TRPM3: variants seen among roughly 807,000 people sequenced by gnomAD.
TRPM3 encodes the protein long transient receptor potential channel 3.
A neutral mutation model predicts 181.2 loss-of-function variants in TRPM3; 77 were observed. That is an observed-to-expected ratio of 0.42 (90% CI 0.35 to 0.51). TRPM3 has a LOEUF of 0.51. TRPM3 is among the 20% of genes least tolerant of loss of function. TRPM3 has a pLI of 0.01. For missense variants in TRPM3, 1,759 were observed against 2,196.7 expected, an observed-to-expected ratio of 0.80 and a Z score of 3.98; for synonymous variants, 745 against 796.4, an observed-to-expected ratio of 0.94 and a Z score of 1.09.
intron 8 of TRPM3, among the ~76,000 whole-genome samples, chr9:70,739,872 C>A (rs544637272): frequency 6.6e-6 from 1 of 152,224 alleles, no homozygotes; most frequent in Admixed American, 6.5e-5. Flanking sequence ...CCCGTCTTGG[C>A]CTCCCAAAGT....
In TRPM3 at chr9:71,159,575, G is replaced by A. The variant is rs370991898; in HGVS notation, c.183+287078C>T. Among the ~76,000 whole-genome samples, 8 of 152,086 alleles carry A rather than the reference G, an allele frequency of 5.3e-5. No homozygotes were observed. In the East Asian group the frequency reaches 1.2e-3, roughly 22 times the overall value. On this transcript the variant is annotated intron_variant, in intron 1 of 24. Coordinates refer to the TRPM3 transcript ENST00000357533. The stretch of plus-strand genomic sequence containing the variant: ...ATATCATTTTATCTCCCCATCTTTT[G>A]TTCTTAAGAAAGTTATTATATAACT...
At chr9:70,626,227 T>G (rs2064570403) in intron 12 of TRPM3, among the ~76,000 whole-genome samples, 1 of 152,190 alleles carries the variant, frequency 6.6e-6, no homozygotes. Context: ...TGCTGTTAGG[T>G]CAAGGGAGAG....
intron 24 of TRPM3, among the ~76,000 whole-genome samples, chr9:70,551,822 C>T (rs1342549866): frequency 6.6e-6 from 1 of 152,140 alleles, no homozygotes; most frequent in Non-Finnish European, 1.5e-5. Flanking sequence ...TCATCCACCC[C>T]GACCCCTCCA....
At chr9:71,054,921 T>C (rs1190156229) in intron 1 of TRPM3, among the ~76,000 whole-genome samples, 2 of 152,126 alleles carry the variant, frequency 1.3e-5, no homozygotes, top group East Asian at 3.9e-4. Flanking sequence ...TACAGGGTTA[T>C]GGTGATCATT....
intron 1 of TRPM3, among the ~76,000 whole-genome samples, chr9:70,887,972 G>A (rs1032078484): frequency 5.3e-5 from 8 of 152,166 alleles, no homozygotes; most frequent in Non-Finnish European, 1.0e-4. Flanking sequence ...AGAATGATGA[G>A]TTGTTGTTTT....
intron 1 of TRPM3, among the ~76,000 whole-genome samples, chr9:71,055,568 T>G (rs1026153873): frequency 2.0e-5 from 3 of 151,998 alleles, no homozygotes; most frequent in Admixed American, 2.0e-4. Flanking sequence ...ATTGGAACAT[T>G]TTTTAAGAAG....
intron 1 of TRPM3, among the ~76,000 whole-genome samples, chr9:71,290,035 C>T (rs2085665809): frequency 6.6e-6 from 1 of 151,534 alleles, no homozygotes; most frequent in South Asian, 2.1e-4. Context: ...ATCACATGTA[C>T]CCCCAAAATA....
intron 1 of TRPM3, among the ~76,000 whole-genome samples, chr9:71,195,022 T>G (rs577048731): frequency 6.6e-6 from 1 of 151,964 alleles, no homozygotes; most frequent in Non-Finnish European, 1.5e-5. Context: ...AGAAGCAATT[T>G]AGATCATCAC....
At chr9:71,258,748 A>G (rs2082837809) in intron 1 of TRPM3, among the ~76,000 whole-genome samples, 1 of 152,178 alleles carries the variant, frequency 6.6e-6, no homozygotes. Context: ...TATTTTACAG[A>G]TAAGAAATCT....
In TRPM3 at chr9:70,671,359, G is replaced by A. The variant is rs1369189394; in HGVS notation, c.1345+10147C>T. Among the ~76,000 whole-genome samples the A allele has an allele frequency of 3.3e-5, 5 of 152,094 alleles. No homozygotes were observed. The East Asian group carries it at 9.7e-4, about 29-fold the overall frequency. ...TGTGGGTAGGAGTGGGAGCTGGGCT[G>A]AGAGGAGCCTAGTGGGGAAAGCCTG... On this transcript the variant is annotated intron_variant, in intron 9 of 25. Transcript: ENST00000677713.
chr9:70,925,058 T>C (rs1192459499), intron 1 of TRPM3, among the ~76,000 whole-genome samples: 5 of 152,168 alleles, frequency 3.3e-5, no homozygotes, highest in African/African-American at 9.7e-5. Flanking sequence ...CGGACTCACT[T>C]GAGTCAGTCA....
At chr9:70,959,010 C>T (rs866622806) in intron 1 of TRPM3, among the ~76,000 whole-genome samples, 6 of 86,166 alleles carry the variant, frequency 7.0e-5, no homozygotes, top group South Asian at 3.2e-4. Flanking sequence ...GTTGTGGGGT[C>T]GGAGGAGGGG....
At chr9:71,207,951 C>T (rs1397669690) in intron 1 of TRPM3, among the ~76,000 whole-genome samples, 1 of 152,108 alleles carries the variant, frequency 6.6e-6, no homozygotes, top group African/African-American at 2.4e-5. Context: ...CCTTGTCCCC[C>T]AAATCCTTCT....
At chr9:71,244,395 T>G (rs369941235) in intron 1 of TRPM3, among the ~76,000 whole-genome samples, 1 of 152,206 alleles carries the variant, frequency 6.6e-6, no homozygotes, top group Non-Finnish European at 1.5e-5. Flanking sequence ...AGATTTCTAA[T>G]GCAGCCATTC....
intron 6 of TRPM3, chr9:70,809,870 G>A (rs959736614): frequency 8.2e-6 from 4 of 487,726 alleles, no homozygotes; most frequent in Non-Finnish European, 1.7e-5. Context: ...TTAACATACA[G>A]TGTTTTTCAT....
intron 1 of TRPM3, among the ~76,000 whole-genome samples, chr9:71,230,058 T>C (rs2080946397): frequency 6.6e-6 from 1 of 151,942 alleles, no homozygotes; most frequent in Admixed American, 6.6e-5. Flanking sequence ...ATAAAGAAAA[T>C]GTGGTACCTA....
chr9:70,864,311 G>A lies in TRPM3; in HGVS notation c.257+121C>T. The A allele has an allele frequency of 7.8e-6, 5 of 644,782 alleles. No homozygotes were observed. In the South Asian group the frequency reaches 1.7e-4, roughly 22 times the overall value. 39.9% of individuals were successfully genotyped at this position (644,782 alleles called of 1,614,324 possible). A position where few individuals can be genotyped will look rare whatever the true frequency, so the allele number is the denominator to read the frequency against. ...AATAAGATTGCCTCAAAGATGTCCA[G>A]AAACAATATAAAAGATATTTAATTT... is the stretch of plus-strand genomic sequence containing the variant. On this transcript the variant is annotated intron_variant, in intron 2 of 25. Coordinates refer to ENST00000677713, the MANE Select transcript of TRPM3 (RefSeq NM_001366145.2).
chr9:70,917,923 C>T (rs901035423), intron 1 of TRPM3, among the ~76,000 whole-genome samples: 1 of 151,404 alleles, frequency 6.6e-6, no homozygotes, highest in Non-Finnish European at 1.5e-5. Context: ...TATAAAGACA[C>T]ACACAGACTA....
chr9:71,377,139 G>A (rs2092686233), intron 1 of TRPM3, among the ~76,000 whole-genome samples: 1 of 152,056 alleles, frequency 6.6e-6, no homozygotes, highest in Non-Finnish European at 1.5e-5. Context: ...CGAATTATTT[G>A]TTCTCTGTAC....
Sources: gnomAD v4.1 joint callset for allele counts (sites outside exome capture counted in the v4.1 genomes callset) on GRCh38, gnomAD v4.1.1 for gene constraint, MANE v1.5 for transcripts, NCBI Gene and HGNC (gene_info 2026-07-23, HGNC 2026-07-21) for gene names.